SH3BP5L: variants seen among roughly 807,000 people sequenced by gnomAD.
SH3BP5L encodes SH3 domain-binding protein 5-like.
Under a neutral mutation model 40.9 loss-of-function variants are expected in SH3BP5L, and 16 were observed. That is an observed-to-expected ratio of 0.39 (90% CI 0.27 to 0.59). SH3BP5L has a LOEUF of 0.59. SH3BP5L is among the 20% of genes least tolerant of loss of function. SH3BP5L has a pLI of 0.53. For missense variants in SH3BP5L, 471 were observed against 544.6 expected, an observed-to-expected ratio of 0.86 and a Z score of 1.35; for synonymous variants, 229 against 226.7, an observed-to-expected ratio of 1.01 and a Z score of -0.09.
At position 248,812,468 on chromosome 1, in the gene SH3BP5L, C is replaced by A. The variant is rs1210168419; in HGVS notation, c.712-98G>T. On this transcript the variant is annotated intron_variant, in intron 6 of 6. Coordinates refer to ENST00000366472, the MANE Select transcript of SH3BP5L (RefSeq NM_030645.3). This position sits in a 1 kb window ranked among gnomAD's most constrained non-coding sequence, Gnocchi z 6.1. ...TCTGAGGGCCTGCTCTCCCAGAATA[C>A]CTGGACAGCTGGCTCAGCATCCACC... 18 of 926,002 alleles carry A rather than the reference C, an allele frequency of 1.9e-5. No homozygotes were observed. The highest frequency in any genetic ancestry group is 2.7e-5 in the Non-Finnish European group (16 of 603,734). 57.4% of individuals were successfully genotyped at this position (926,002 alleles called of 1,614,324 possible).
chr1:248,819,386 A>G (rs987996332), intron 2 of SH3BP5L, among the ~76,000 whole-genome samples: 4 of 149,884 alleles, frequency 2.7e-5, no homozygotes, highest in African/African-American at 1.0e-4. Flanking sequence ...CACTAACTAC[A>G]GCTGATGAGC....
intron 2 of SH3BP5L, among the ~76,000 whole-genome samples, chr1:248,817,788 G>C (rs995967135): frequency 2.0e-5 from 3 of 152,186 alleles, no homozygotes; most frequent in East Asian, 1.9e-4. Context: ...GGGAGGCAGA[G>C]GCTGCAGTGA....
Position 248,811,529 on chromosome 1 carries a change from T to C in SH3BP5L, c.*371A>G. 4.4e-6 allele frequency: 1 copy of C among 228,296 alleles called. No homozygotes were observed. The highest frequency in any genetic ancestry group is 8.5e-6 in the Non-Finnish European group (1 of 117,172). 14.1% of individuals were successfully genotyped at this position (228,296 alleles called of 1,614,324 possible). A position where few individuals can be genotyped will look rare whatever the true frequency, so the allele number is the denominator to read the frequency against. On this transcript the variant is annotated 3_prime_UTR_variant, in exon 7 of 7. Coordinates refer to ENST00000366472, the MANE Select transcript of SH3BP5L (RefSeq NM_030645.3). Reference sequence around the variant, plus strand: ...CAGCACCCATTTTCTCTGATGAGCTTCCCAGTGCCTTCTAGACCAAGTTCC... The same window carrying C: ...CAGCACCCATTTTCTCTGATGAGCTCCCCAGTGCCTTCTAGACCAAGTTCC...
chr1:248,812,128 C>T lies in SH3BP5L; in HGVS notation c.954G>A (p.Glu318=). 6.2e-7 allele frequency: 1 copy of T among 1,607,708 alleles called. No individual in the cohort carries two copies. Among genetic ancestry groups the T allele is most frequent in the Non-Finnish European group, 8.5e-7 (1 of 1,177,032 alleles). Residue 318 remains glutamate (E), a synonymous_variant, in exon 7 of 7, where the codon GAG becomes GAA. Transcript: ENST00000366472. This position sits in a 1 kb window ranked among gnomAD's most constrained non-coding sequence, Gnocchi z 6.1. ...IEGAEGAGLE[E]GSSLGPGPAP... is the part of the protein sequence containing the mutation. ...CGGGGCCGGGCCCCAGGCTGCTGCCCTCCTCCAGCCCCGCACCCTCGGCCC... is the reference window on the plus strand; with the variant it reads ...CGGGGCCGGGCCCCAGGCTGCTGCCTTCCTCCAGCCCCGCACCCTCGGCCC...
In SH3BP5L at chr1:248,821,971, T is replaced by A. The variant is rs1346573895; in HGVS notation, c.183+2782A>T. ...CGAAACAGGCGCTCTACCTTTGGGA[T>A]ATACCTGGCCCAGTGGATTTGGCTC... is the stretch of plus-strand genomic sequence containing the variant. On this transcript the variant is annotated intron_variant, in intron 2 of 6. Coordinates refer to ENST00000366472, the MANE Select transcript of SH3BP5L (RefSeq NM_030645.3). This position sits in a 1 kb window ranked among gnomAD's most constrained non-coding sequence, Gnocchi z 4.6. 2.0e-5 allele frequency among the ~76,000 whole-genome samples: 3 copies of A among 152,210 alleles called. No individual in the cohort carries two copies. The highest frequency in any genetic ancestry group is 7.2e-5 in the African/African-American group (3 of 41,454).
At position 248,811,719 on chromosome 1, in the gene SH3BP5L, G is replaced by T; in HGVS notation, c.*181C>A. The stretch of plus-strand genomic sequence containing the variant: ...AGAGAGCCGCCTGCTGAGGGGAAGG[G>T]GGAGGCTGTGAGAACGCCAGGGCAG... On this transcript the variant is annotated 3_prime_UTR_variant, in exon 7 of 7. Transcript: ENST00000366472. The T allele has an allele frequency of 1.8e-6, 1 of 564,036 alleles. No homozygotes were observed. The allele number at this position is 564,036 out of a possible 1,614,324, so 34.9% of individuals were successfully genotyped here.
At chr1:248,824,603 T>C (rs1664327866) in intron 2 of SH3BP5L, 150 bp downstream of exon 2, 26 of 984,570 alleles carry the variant, frequency 2.6e-5, no homozygotes, top group Admixed American at 9.9e-5. Flanking sequence ...ACTTGTTACA[T>C]TACCCTGCAA....
chr1:248,823,620 A>C (rs969833426), intron 2 of SH3BP5L, among the ~76,000 whole-genome samples: 1 of 152,152 alleles, frequency 6.6e-6, no homozygotes, highest in African/African-American at 2.4e-5. Flanking sequence ...GCTCCATTAT[A>C]AGCATGGACA....
chr1:248,816,342 T>G (rs2103014797), intron 4 of SH3BP5L, 192 bp downstream of exon 4: 1 of 599,868 alleles, frequency 1.7e-6, no homozygotes, highest in East Asian at 2.9e-5. Flanking sequence ...CACCATTTTA[T>G]AGACCATAAG....
In SH3BP5L at chr1:248,811,786, A is replaced by T; in HGVS notation, c.*114T>A. The T allele has an allele frequency of 1.3e-6, 1 of 790,662 alleles. No homozygotes were observed. The highest frequency in any genetic ancestry group is 2.0e-6 in the Non-Finnish European group (1 of 512,234). 49.0% of individuals were successfully genotyped at this position (790,662 alleles called of 1,614,324 possible). A position where few individuals can be genotyped will look rare whatever the true frequency, so the allele number is the denominator to read the frequency against. ...CACAGCTGGCCTCTCCCAGGGAAGC[A>T]CTGGAGAAGGGGACCTTCGGGAAGA... On this transcript the variant is annotated 3_prime_UTR_variant, in exon 7 of 7. Coordinates refer to ENST00000366472, the MANE Select transcript of SH3BP5L (RefSeq NM_030645.3).
chr1:248,812,593 A>T lies in SH3BP5L; in HGVS notation c.712-223T>A, dbSNP rs567866377. Reference sequence around the variant, plus strand: ...TTGCTCTGCGTTGTTCCTCCCCAGCAATCCTGCTCCTGACCTGAGCCCCAC... The same window carrying T: ...TTGCTCTGCGTTGTTCCTCCCCAGCTATCCTGCTCCTGACCTGAGCCCCAC... On this transcript the variant is annotated intron_variant, in intron 6 of 6. Transcript: ENST00000366472. The surrounding 1 kb of genome is among the most constrained non-coding windows in gnomAD (Gnocchi z 6.1). Among the ~76,000 whole-genome samples, 1 of 150,992 alleles carries T rather than the reference A, an allele frequency of 6.6e-6. No individual in the cohort carries two copies. Among genetic ancestry groups the T allele is most frequent in the East Asian group, 1.9e-4 (1 of 5,142 alleles).
chr1:248,823,625 T>C (rs946040107), intron 2 of SH3BP5L, among the ~76,000 whole-genome samples: 2 of 151,940 alleles, frequency 1.3e-5, no homozygotes, highest in Admixed American at 6.6e-5. Flanking sequence ...ATTATAAGCA[T>C]GGACACAGTA....
rs748973943 is a variant in SH3BP5L, at chr1:248,812,249, C to T, written c.833G>A (p.Gly278Asp). Residue 278 changes from glycine to aspartate, a missense_variant, in exon 7 of 7, where the codon GGT becomes GAT. Around this residue, in one of 2 missense-constraint regions of SH3BP5L, gnomAD observed 196 missense variants for 174.6 expected, o/e 1.12. Transcript: ENST00000366472. This position sits in a 1 kb window ranked among gnomAD's most constrained non-coding sequence, Gnocchi z 6.1. Reference sequence around the variant, plus strand: ...AGGGCCCAGGGGGTGGGGAGGCAGACCCCCGCGGCGCCGTGCGTGAATCTG... The same window carrying T: ...AGGGCCCAGGGGGTGGGGAGGCAGATCCCCGCGGCGCCGTGCGTGAATCTG... Reference protein sequence around the residue: ...SEQIHARRRGGLPPHPLGPRR... With the variant: ...SEQIHARRRGDLPPHPLGPRR... The T allele has an allele frequency of 8.7e-6, 14 of 1,610,790 alleles. No homozygotes were observed. Among genetic ancestry groups the T allele is most frequent in the Non-Finnish European group, 1.2e-5 (14 of 1,179,438 alleles).
chr1:248,816,344 G>T (rs1389927873), intron 4 of SH3BP5L, 190 bp downstream of exon 4: 3 of 602,126 alleles, frequency 5.0e-6, no homozygotes, highest in Non-Finnish European at 8.7e-6. Flanking sequence ...CCATTTTATA[G>T]ACCATAAGCC....
chr1:248,817,166 T>A, intron 2 of SH3BP5L: 2 of 772,746 alleles, frequency 2.6e-6, no homozygotes, highest in Non-Finnish European at 4.1e-6. Flanking sequence ...AATGCAACAC[T>A]AATATGCACA....
rs1426799433 is a variant in SH3BP5L at position 248,812,101 on chromosome 1, G to A, written c.981C>T (p.Ala327=). Residue 327 remains alanine (A), a synonymous_variant, in exon 7 of 7, where the codon GCC becomes GCT. Coordinates refer to ENST00000366472, the MANE Select transcript of SH3BP5L (RefSeq NM_030645.3). The surrounding 1 kb of genome is among the most constrained non-coding windows in gnomAD (Gnocchi z 6.1). The stretch of plus-strand genomic sequence containing the variant: ...GCAGACTCAGGGTATCGGTGTCGGG[G>A]GCGGGGCCGGGCCCCAGGCTGCTGC... ...EEGSSLGPGP[A]PDTDTLSLLS... 3 of 1,610,958 alleles carry A rather than the reference G, an allele frequency of 1.9e-6. No individual in the cohort carries two copies. Among genetic ancestry groups the A allele is most frequent in the African/African-American group, 2.7e-5 (2 of 74,868 alleles).
chr1:248,822,835 T>G (rs1188685498), intron 2 of SH3BP5L, among the ~76,000 whole-genome samples: 1 of 152,152 alleles, frequency 6.6e-6, no homozygotes, highest in African/African-American at 2.4e-5. Flanking sequence ...GCTAGCTTTT[T>G]TTATTTTTAG....
chr1:248,823,522 A>C (rs148454750), intron 2 of SH3BP5L, among the ~76,000 whole-genome samples: 303 of 152,366 alleles, frequency 2.0e-3, no homozygotes, highest in African/African-American at 7.0e-3. Flanking sequence ...CTGTAGAAAT[A>C]GCAAGAAAAA....
chr1:248,811,737 C>A lies in SH3BP5L; in HGVS notation c.*163G>T. 1 of 582,362 alleles carries A rather than the reference C, an allele frequency of 1.7e-6. No homozygotes were observed. The highest frequency in any genetic ancestry group is 3.0e-6 in the Non-Finnish European group (1 of 337,576). The allele number at this position is 582,362 out of a possible 1,614,324, so 36.1% of individuals were successfully genotyped here. A position where few individuals can be genotyped will look rare whatever the true frequency, so the allele number is the denominator to read the frequency against. On this transcript the variant is annotated 3_prime_UTR_variant, in exon 7 of 7. Transcript: ENST00000366472. ...GGGAAGGGGGAGGCTGTGAGAACGCCAGGGCAGGCACAGAGGACTCGAACA... is the reference window on the plus strand; with the variant it reads ...GGGAAGGGGGAGGCTGTGAGAACGCAAGGGCAGGCACAGAGGACTCGAACA...
Sources: allele counts gnomAD v4.1 joint callset (sites outside exome capture counted in the v4.1 genomes callset), GRCh38; gene constraint gnomAD v4.1.1; regional missense constraint gnomAD v4.1.1; non-coding constraint Gnocchi (gnomAD v3.1); transcripts MANE v1.5; gene names NCBI Gene and HGNC (gene_info 2026-07-23, HGNC 2026-07-21).